Variants in ZNF385D observed in about 807,000 individuals in gnomAD.
ZNF385D encodes the protein zinc finger protein 659.
In ZNF385D, 15 loss-of-function variants were observed where a neutral mutation model predicts 35.8. The observed-to-expected ratio is 0.42, with a 90% CI of 0.28 to 0.64. The LOEUF (loss-of-function observed/expected upper bound fraction) is 0.64. ZNF385D is among the 30% of genes least tolerant of loss of function. The pLI is 0.23. For synonymous variants in ZNF385D, 212 were observed against 186.8 expected, an observed-to-expected ratio of 1.13 and a Z score of -1.10; for missense variants, 474 against 494.6, an observed-to-expected ratio of 0.96 and a Z score of 0.39.
At chr3:21,424,689 C>CTT (rs58781852) in intron 6 of ZNF385D, among the ~76,000 whole-genome samples, 53,480 of 124,934 alleles carry the variant, frequency 0.43, 12,144 homozygotes, top group East Asian at 0.74. Context: ...ACACACATCT[C>CTT]TTTTTTTTTT....
At chr3:21,908,118 A>ATC (rs1553696824) in intron 3 of ZNF385D, among the ~76,000 whole-genome samples, 1 of 135,654 alleles carries the variant, frequency 7.4e-6, no homozygotes. Flanking sequence ...CTTTCTCTCT[A>ATC]TATCTATCTA....
intron 2 of ZNF385D, among the ~76,000 whole-genome samples, chr3:22,269,993 G>A (rs945446614): frequency 1.3e-5 from 2 of 151,780 alleles, no homozygotes; most frequent in Admixed American, 6.6e-5. Flanking sequence ...TTTAATGTAC[G>A]TGTGATCATC....
At chr3:21,764,987 C>T (rs1460893927) in intron 3 of ZNF385D, among the ~76,000 whole-genome samples, 3 of 152,094 alleles carry the variant, frequency 2.0e-5, no homozygotes, top group Non-Finnish European at 4.4e-5. Flanking sequence ...GAGACGTATC[C>T]TTAGACTGAG....
At chr3:22,261,664 A>G (rs1276123018) in intron 2 of ZNF385D, among the ~76,000 whole-genome samples, 1 of 151,896 alleles carries the variant, frequency 6.6e-6, no homozygotes, top group East Asian at 1.9e-4. Context: ...GGGTGGCATT[A>G]GCAGAGACCT....
At chr3:21,888,471 G>T (rs912023151) in intron 3 of ZNF385D, among the ~76,000 whole-genome samples, 13 of 152,092 alleles carry the variant, frequency 8.5e-5, no homozygotes, top group East Asian at 1.9e-4. Flanking sequence ...ATTTCTCGTG[G>T]TTCCTAGAGT....
chr3:21,933,707 T>G (rs1206205173), intron 3 of ZNF385D, among the ~76,000 whole-genome samples: 2 of 152,222 alleles, frequency 1.3e-5, no homozygotes, highest in Non-Finnish European at 2.9e-5. Flanking sequence ...GACTCTACCG[T>G]TGAGTCTTCA....
intron 3 of ZNF385D, among the ~76,000 whole-genome samples, chr3:22,160,948 G>A (rs542165503): frequency 2.0e-5 from 3 of 152,030 alleles, no homozygotes; most frequent in African/African-American, 4.8e-5. Flanking sequence ...CATCCTAAAA[G>A]TTATGCCCCT....
At chr3:22,244,284 G>C (rs1196607977) in intron 2 of ZNF385D, among the ~76,000 whole-genome samples, 1 of 134,374 alleles carries the variant, frequency 7.4e-6, no homozygotes, top group East Asian at 2.4e-4. Context: ...TTGAAATTGT[G>C]TTACTCTTTG....
At chr3:22,165,719 G>A (rs956788809) in intron 3 of ZNF385D, among the ~76,000 whole-genome samples, 1 of 152,010 alleles carries the variant, frequency 6.6e-6, no homozygotes, top group Non-Finnish European at 1.5e-5. Flanking sequence ...AATATTACTG[G>A]TCTTTCTTAG....
intron 1 of ZNF385D, among the ~76,000 whole-genome samples, chr3:21,674,836 G>A (rs943344205): frequency 3.9e-5 from 6 of 151,982 alleles, no homozygotes; most frequent in African/African-American, 1.4e-4. Context: ...ATTCATTCTT[G>A]ACTTCTATAT....
At chr3:22,256,396 A>G (rs1308583316) in intron 2 of ZNF385D, among the ~76,000 whole-genome samples, 1 of 151,650 alleles carries the variant, frequency 6.6e-6, no homozygotes, top group Non-Finnish European at 1.5e-5. Context: ...CTAATAGGAG[A>G]GGCTTCTGAT....
intron 2 of ZNF385D, among the ~76,000 whole-genome samples, chr3:21,567,874 T>C (rs1465202055): frequency 6.6e-6 from 1 of 152,188 alleles, no homozygotes; most frequent in Non-Finnish European, 1.5e-5. Flanking sequence ...AGTGACCACA[T>C]TCAATCCAAA....
intron 2 of ZNF385D, among the ~76,000 whole-genome samples, chr3:22,351,207 T>TG: frequency 6.6e-6 from 1 of 151,990 alleles, no homozygotes; most frequent in Admixed American, 6.5e-5. Context: ...ATTGGTTTTG[T>TG]TTTCCATAAA....
chr3:21,562,583 T>A (rs969591492), intron 3 of ZNF385D, among the ~76,000 whole-genome samples: 7 of 152,136 alleles, frequency 4.6e-5, no homozygotes, highest in Non-Finnish European at 1.0e-4. Context: ...GACAGTGAAA[T>A]CATAGGCAGG....
At chr3:21,473,931 A>G (rs1182690872) in intron 4 of ZNF385D, among the ~76,000 whole-genome samples, 2 of 152,098 alleles carry the variant, frequency 1.3e-5, no homozygotes, top group East Asian at 3.9e-4. Flanking sequence ...ATGATATATC[A>G]TAAGATAGCA....
At chr3:21,947,639 C>T (rs1157621551) in intron 3 of ZNF385D, among the ~76,000 whole-genome samples, 2 of 152,118 alleles carry the variant, frequency 1.3e-5, no homozygotes, top group African/African-American at 2.4e-5. Flanking sequence ...CGTGAGCCAC[C>T]GCGCCCGGCT....
chr3:21,840,787 G>A (rs1405934902), intron 3 of ZNF385D, among the ~76,000 whole-genome samples: 2 of 151,724 alleles, frequency 1.3e-5, no homozygotes, highest in Non-Finnish European at 2.9e-5. Flanking sequence ...AAAAAAGTTT[G>A]ATAAATTACC....
intron 3 of ZNF385D, among the ~76,000 whole-genome samples, chr3:21,776,954 A>G (rs2071313205): frequency 6.6e-6 from 1 of 151,962 alleles, no homozygotes; most frequent in African/African-American, 2.4e-5. Context: ...AACGGTGCTA[A>G]AGAGGAATCC....
At position 21,706,266 on chromosome 3, in the gene ZNF385D, C is replaced by CT. The variant is rs372321285; in HGVS notation, c.23-41239dup. Among the ~76,000 whole-genome samples the CT allele has an allele frequency of 6.4e-3, 938 of 146,996 alleles. 6 individuals carry two copies. Among genetic ancestry groups the CT allele is most frequent in the Non-Finnish European group, 7.0e-3 (467 of 66,350 alleles). ...AAATTTGTCCTTATCATGCAATCAG[C>CT]TTTTTTTTTTTCCTAATAGCTTGAT... On this transcript the variant is annotated intron_variant, in intron 1 of 7. Transcript: ENST00000281523.
Sources: allele counts gnomAD v4.1 joint callset (sites outside exome capture counted in the v4.1 genomes callset), GRCh38; gene constraint gnomAD v4.1.1; transcripts MANE v1.5; gene names NCBI Gene and HGNC (gene_info 2026-07-23, HGNC 2026-07-21).